The following DNAH5 variants were observed in gnomAD, a reference collection of about 807,000 sequenced individuals.
The protein encoded by DNAH5 is dynein axonemal heavy chain 5.
A neutral mutation model predicts 518.2 loss-of-function variants in DNAH5; 372 were observed. That is an observed-to-expected ratio of 0.72 (90% CI 0.66 to 0.78). The LOEUF is 0.78. Ranked by LOEUF, DNAH5 falls within the 30% of genes least tolerant of loss-of-function variation. DNAH5 has a pLI of 0.00. For synonymous variants in DNAH5, 2,039 were observed against 2,025.9 expected (o/e 1.01, Z -0.17); for missense variants, 5,523 against 5,687.0 (o/e 0.97, Z 0.93).
Position 13,865,894 on chromosome 5 carries a change from T to C in DNAH5, c.4129A>G (p.Asn1377Asp). ...RLIMFQNQFD[N>D]IYRKYITYTG... ...TATGTGATGTATTTCCGATAGATAT[T>C]ATCAAATTGATTCTAATAAAAACAC... is the stretch of plus-strand genomic sequence containing the variant. The change falls in exon 27 of 79, where the codon AAT becomes GAT. Residue 1377 changes from asparagine (N) to aspartate (D), a missense_variant. By Grantham distance (23) the Asn-to-Asp change is conservative. Coordinates refer to ENST00000265104, the MANE Select transcript of DNAH5 (RefSeq NM_001369.3). The C allele has an allele frequency of 6.3e-7, 1 of 1,593,114 alleles. No homozygotes were observed. Among genetic ancestry groups the C allele is most frequent in the South Asian group, 1.1e-5 (1 of 90,522 alleles).
intron 22 of DNAH5, 115 bp downstream of exon 22, chr5:13,876,569 T>G (rs1770917488): frequency 7.9e-7 from 1 of 1,272,934 alleles, no homozygotes; most frequent in East Asian, 2.3e-5. Flanking sequence ...AGATGCTCCC[T>G]GAAAGCACAG....
At chr5:13,849,691 GT>G (rs1208550864) in intron 31 of DNAH5, among the ~76,000 whole-genome samples, 1 of 152,044 alleles carries the variant, frequency 6.6e-6, no homozygotes, top group East Asian at 1.9e-4. Flanking sequence ...CTCATGCATT[GT>G]TATTTTCCAG....
chr5:13,901,344 C>T lies in DNAH5; in HGVS notation c.1960G>A (p.Ala654Thr). 1 of 1,614,132 alleles carries T rather than the reference C, an allele frequency of 6.2e-7. No homozygotes were observed. ...FQQHPAVLST[A>T]EAKPIIRSYN... Reference sequence around the variant, plus strand: ...CTGCGAATTATAGGTTTGGCTTCTGCCGTGCTTAGCACAGCTGGGTGCTGC... The same window carrying T: ...CTGCGAATTATAGGTTTGGCTTCTGTCGTGCTTAGCACAGCTGGGTGCTGC... Residue 654 changes from alanine (A) to threonine (T), a missense_variant, in exon 14 of 79, where the codon GCA becomes ACA. Physicochemically the swap from Ala to Thr is moderately conservative, Grantham distance 58. Around this residue, in one of 3 missense-constraint regions of DNAH5, gnomAD observed 5,121 missense variants for 5,223.3 expected, o/e 0.98. Transcript: ENST00000265104.
intron 4 of DNAH5, 25 bp from the exon 5 acceptor site, chr5:13,922,353 T>C: frequency 3.8e-6 from 6 of 1,597,318 alleles, no homozygotes; most frequent in Non-Finnish European, 5.1e-6. Context: ...GGAGATCTTT[T>C]ATTGTAAAAA....
chr5:13,986,212 T>C (rs551804837), intron 1 of DNAH5, among the ~76,000 whole-genome samples: 7 of 152,216 alleles, frequency 4.6e-5, no homozygotes, highest in African/African-American at 1.2e-4. Flanking sequence ...GGAGTGAATA[T>C]TGGAAGGACT....
At chr5:13,852,339 G>A (rs1766996407) in intron 30 of DNAH5, among the ~76,000 whole-genome samples, 1 of 152,088 alleles carries the variant, frequency 6.6e-6, no homozygotes, top group Admixed American at 6.5e-5. Context: ...GGCTAATTTT[G>A]TATTTTTAGT....
intron 51 of DNAH5, among the ~76,000 whole-genome samples, chr5:13,788,201 T>C (rs1756371961): frequency 6.6e-6 from 1 of 152,210 alleles, no homozygotes; most frequent in African/African-American, 2.4e-5. Flanking sequence ...ATTTTCAACA[T>C]TCAGGATGAC....
At chr5:13,966,095 A>C (rs1469853564) in intron 1 of DNAH5, among the ~76,000 whole-genome samples, 4 of 151,502 alleles carry the variant, frequency 2.6e-5, no homozygotes, top group Non-Finnish European at 5.9e-5. Context: ...TTGGTTTTCC[A>C]TTCCTGAGTT....
chr5:13,920,429 C>A (rs767682548), intron 6 of DNAH5, 51 bp downstream of exon 6: 1 of 1,609,628 alleles, frequency 6.2e-7, no homozygotes, highest in South Asian at 1.1e-5. Flanking sequence ...CTTCCATTGT[C>A]TAGCGCAGTA....
Position 13,862,766 on chromosome 5 carries a change from C to T in DNAH5, c.4597-19G>A. ...AGATGTCCTATCAAAATGGCAAGCT[C>T]TCATGTTATTGCATGAAAGTCACAC... On this transcript the variant is annotated intron_variant, in intron 28 of 78. Transcript: ENST00000265104. 6.2e-7 allele frequency: 1 copy of T among 1,603,206 alleles called. No individual in the cohort carries two copies. The highest frequency in any genetic ancestry group is 8.5e-7 in the Non-Finnish European group (1 of 1,172,328).
chr5:13,773,915 TG>T (rs113662489), intron 55 of DNAH5, among the ~76,000 whole-genome samples: 45,394 of 148,762 alleles, frequency 0.31, 7,327 homozygotes, highest in South Asian at 0.42. Context: ...GGAACACAAC[TG>T]GGGGAAAAAA....
At chr5:13,970,739 T>C (rs1781807505) in intron 1 of DNAH5, among the ~76,000 whole-genome samples, 1 of 152,208 alleles carries the variant, frequency 6.6e-6, no homozygotes, top group Non-Finnish European at 1.5e-5. Flanking sequence ...ATCTTGTCTT[T>C]AGATAACCTG....
chr5:13,977,897 G>A (rs1427158372), intron 1 of DNAH5, among the ~76,000 whole-genome samples: 1 of 152,054 alleles, frequency 6.6e-6, no homozygotes, highest in African/African-American at 2.4e-5. Context: ...TCAAACAGGG[G>A]AGAATCATGA....
At chr5:13,745,541 T>C (rs1308039324) in intron 65 of DNAH5, among the ~76,000 whole-genome samples, 1 of 152,080 alleles carries the variant, frequency 6.6e-6, no homozygotes. Flanking sequence ...CGATTATGTG[T>C]GATAATAAGG....
In DNAH5 at chr5:13,966,225, G is replaced by A. The variant is rs1781518059; in HGVS notation, c.13-34981C>T. ...GGTGTGTGTGTGTATGTGTGTATGT[G>A]TGTATATATATCACATTTTCTTTAT... is the stretch of plus-strand genomic sequence containing the variant. On this transcript the variant is annotated intron_variant, in intron 1 of 78. Coordinates refer to the DNAH5 transcript ENST00000681290. Among the ~76,000 whole-genome samples the A allele has an allele frequency of 2.0e-5, 3 of 152,046 alleles. No individual in the cohort carries two copies. The South Asian group carries it at 6.2e-4, about 32-fold the overall frequency.
At position 13,701,323 on chromosome 5, in the gene DNAH5, AC is replaced by A; in HGVS notation, c.13451del (p.Gly4484ValfsTer9). The A allele has an allele frequency of 5.0e-6, 8 of 1,614,084 alleles. No individual in the cohort carries two copies. The highest frequency in any genetic ancestry group is 6.8e-6 in the Non-Finnish European group (8 of 1,179,996). ...TTAAAAATCCCTGGGGGTTAAAAAA[AC>A]CCGTCATCCAAAAGCAGTGAGGTCG... ...NGRPHCFWMTGFFNPQGFLTA... is the reference protein window; with the variant it reads ...NGRPHCFWMTXFFNPQGFLTA... On this transcript the variant is annotated frameshift_variant, in exon 77 of 79. Transcript: ENST00000265104. LOFTEE classifies it high-confidence loss of function.
chr5:13,700,970 CGAA>C (rs1438345663), intron 77 of DNAH5, 99 bp from the exon 78 acceptor site: 2 of 1,250,894 alleles, frequency 1.6e-6, no homozygotes, highest in African/African-American at 3.0e-5. Flanking sequence ...CACTCTAACT[CGAA>C]GGACGTACAA....
At chr5:13,753,136 C>A in intron 63 of DNAH5, 97 bp downstream of exon 63, 1 of 877,070 alleles carries the variant, frequency 1.1e-6, no homozygotes, top group South Asian at 1.4e-5. Flanking sequence ...ACAAAAACAT[C>A]TCTAGTGTTT....
At position 13,807,660 on chromosome 5, in the gene DNAH5, T is replaced by C. The variant is rs754015737; in HGVS notation, c.7818A>G (p.Lys2606=). 2.5e-6 allele frequency: 4 copies of C among 1,611,522 alleles called. No homozygotes were observed. The South Asian group carries it at 3.3e-5, about 13-fold the overall frequency. Residue 2606 remains lysine, a synonymous_variant, in exon 47 of 79, where the codon AAA becomes AAG. Transcript: ENST00000265104. ...TGATCATGTGACATTCAGGATCATATTTTGACATAAATCCTTTAATTATTA... is the reference window on the plus strand; with the variant it reads ...TGATCATGTGACATTCAGGATCATACTTTGACATAAATCCTTTAATTATTA... ...KTVIIKGFMS[K]YDPECHMIKS...
Sources: allele counts gnomAD v4.1 joint callset (sites outside exome capture counted in the v4.1 genomes callset), GRCh38; gene constraint gnomAD v4.1.1; regional missense constraint gnomAD v4.1.1; transcripts MANE v1.5; gene names NCBI Gene and HGNC (gene_info 2026-07-23, HGNC 2026-07-21).